PRKG1: variants seen among roughly 807,000 people sequenced by gnomAD.
PRKG1 encodes protein kinase cGMP-dependent 1, also known as cGMP-dependent protein kinase 1.
PRKG1 carries 35 observed loss-of-function variants against 88.1 expected under a neutral mutation model. The observed-to-expected ratio is 0.40, with a 90% CI of 0.30 to 0.53. The LOEUF (loss-of-function observed/expected upper bound fraction) is 0.53, where lower values mean the gene tolerates loss of function less well. Among genes scored for constraint, PRKG1 ranks in the 20% least tolerant of loss-of-function variants. The pLI is 0.59. For synonymous variants in PRKG1, 303 were observed against 292.5 expected, an observed-to-expected ratio of 1.04 and a Z score of -0.37; for missense variants, 540 against 839.8, an observed-to-expected ratio of 0.64 and a Z score of 4.41.
At chr10:52,230,537 T>G (rs1288789604) in intron 9 of PRKG1, among the ~76,000 whole-genome samples, 1 of 152,208 alleles carries the variant, frequency 6.6e-6, no homozygotes, top group Middle Eastern at 3.2e-3. Flanking sequence ...CTTGTTTAGG[T>G]GGCCAGTGAG....
intron 12 of PRKG1, among the ~76,000 whole-genome samples, chr10:52,278,838 G>C (rs1841935050): frequency 6.6e-6 from 1 of 151,598 alleles, no homozygotes. Flanking sequence ...AGGAGGCTGA[G>C]GTTGCAGTGA....
chr10:51,467,445 G>A (rs760203306), intron 2 of PRKG1, among the ~76,000 whole-genome samples: 36 of 151,950 alleles, frequency 2.4e-4, no homozygotes, highest in Non-Finnish European at 4.3e-4. Context: ...ACTAATAACA[G>A]ATTTGGAATA....
At chr10:51,846,787 CA>C (rs1329879051) in intron 4 of PRKG1, among the ~76,000 whole-genome samples, 2 of 152,038 alleles carry the variant, frequency 1.3e-5, no homozygotes, top group Admixed American at 6.6e-5. Context: ...TAAACTGAAT[CA>C]TTTTTTTTCA....
Position 51,178,364 on chromosome 10 carries a change from C to T in PRKG1, c.478+25034C>T, listed in dbSNP as rs549670360. ...TACATTTAAAAAATATTGGGCTGGG[C>T]GCGGTGGCTCACACCTCCAATCCTA... On this transcript the variant is annotated intron_variant, in intron 2 of 17. Coordinates refer to ENST00000373980, the MANE Select transcript of PRKG1 (RefSeq NM_006258.4). Among the ~76,000 whole-genome samples the T allele has an allele frequency of 1.1e-3, 166 of 152,136 alleles. 1 individual carries two copies. The Middle Eastern group carries it at 0.014, about 12-fold the overall frequency.
intron 2 of PRKG1, chr10:51,299,762 T>C: frequency 2.7e-6 from 1 of 368,324 alleles, no homozygotes; most frequent in South Asian, 2.0e-5. Flanking sequence ...GCTTCTATTA[T>C]ACCTCATGTG....
intron 2 of PRKG1, among the ~76,000 whole-genome samples, chr10:51,230,266 TATATGCA>T (rs1340362627): frequency 6.6e-6 from 1 of 152,022 alleles, no homozygotes; most frequent in African/African-American, 2.4e-5. Flanking sequence ...TTCAGAAGGG[TATATGCA>T]CAAAGAGACA....
chr10:51,614,439 T>A (rs955296428), intron 3 of PRKG1, among the ~76,000 whole-genome samples: 1 of 151,728 alleles, frequency 6.6e-6, no homozygotes, highest in Non-Finnish European at 1.5e-5. Context: ...AAAAAAAAAA[T>A]TAGCACAGGG....
chr10:51,627,929 T>TTCCTTCCCTTCCTTTCTTCCTTC (rs1426640394), intron 3 of PRKG1, among the ~76,000 whole-genome samples: 50 of 41,616 alleles, frequency 1.2e-3, no homozygotes, highest in Non-Finnish European at 2.0e-3. Flanking sequence ...TCCCTTCCTT[T>TTCCTTCCCTTCCTTTCTTCCTTC]CTTCCTTCCT....
At chr10:51,844,867 G>A (rs564485586) in intron 4 of PRKG1, among the ~76,000 whole-genome samples, 1 of 152,304 alleles carries the variant, frequency 6.6e-6, no homozygotes, top group South Asian at 2.1e-4. Flanking sequence ...TGAGAAAGTT[G>A]CCTTGCCAGT....
chr10:51,708,984 G>A (rs1177658601), intron 3 of PRKG1, among the ~76,000 whole-genome samples: 1 of 152,168 alleles, frequency 6.6e-6, no homozygotes, highest in Non-Finnish European at 1.5e-5. Context: ...TCTTATGAAG[G>A]AAGGGAGCAG....
chr10:52,096,767 T>C (rs1847182685), intron 7 of PRKG1, among the ~76,000 whole-genome samples: 1 of 152,152 alleles, frequency 6.6e-6, no homozygotes, highest in South Asian at 2.1e-4. Flanking sequence ...GTTTTAAAAT[T>C]GAGTCATTTT....
At chr10:51,231,913 T>C (rs1589264179) in intron 2 of PRKG1, among the ~76,000 whole-genome samples, 1 of 152,306 alleles carries the variant, frequency 6.6e-6, no homozygotes, top group African/African-American at 2.4e-5. Context: ...TGTTTAACAA[T>C]CTGAGGTTTT....
intron 1 of PRKG1, among the ~76,000 whole-genome samples, chr10:51,001,591 G>C (rs754165523): frequency 1.1e-4 from 16 of 152,268 alleles, no homozygotes; most frequent in African/African-American, 3.6e-4. Flanking sequence ...GAGAAAAGAA[G>C]TATATTACAT....
At chr10:51,905,310 C>T (rs1842062421) in intron 4 of PRKG1, among the ~76,000 whole-genome samples, 1 of 152,102 alleles carries the variant, frequency 6.6e-6, no homozygotes, top group Admixed American at 6.6e-5. Flanking sequence ...TGCATAAAAC[C>T]TTGGGATTTC....
chr10:51,592,249 G>C (rs1838330820), intron 3 of PRKG1, among the ~76,000 whole-genome samples: 1 of 152,138 alleles, frequency 6.6e-6, no homozygotes, highest in African/African-American at 2.4e-5. Context: ...ATGATAAGAT[G>C]AAACTGAAAT....
chr10:51,949,180 C>T (rs1589448405), intron 5 of PRKG1, among the ~76,000 whole-genome samples: 1 of 152,030 alleles, frequency 6.6e-6, no homozygotes, highest in African/African-American at 2.4e-5. Context: ...AAATATTTAA[C>T]ATGTAAAACA....
chr10:51,499,838 G>A (rs1326271734), intron 3 of PRKG1, among the ~76,000 whole-genome samples: 1 of 152,106 alleles, frequency 6.6e-6, no homozygotes, highest in Non-Finnish European at 1.5e-5. Context: ...ATATGTGCTT[G>A]TAGTCCAGCT....
rs75929130 is a variant in PRKG1 at position 51,716,075 on chromosome 10, T to G, written c.593-88510T>G. Among the ~76,000 whole-genome samples, 818 of 152,354 alleles carry G rather than the reference T, an allele frequency of 5.4e-3. 12 individuals are homozygous for G. Among genetic ancestry groups the G allele is most frequent in the African/African-American group, 0.018 (769 of 41,570 alleles). On this transcript the variant is annotated intron_variant, in intron 3 of 17. Coordinates refer to ENST00000373980, the MANE Select transcript of PRKG1 (RefSeq NM_006258.4). The stretch of plus-strand genomic sequence containing the variant: ...CCATATTCTTTGCTTTGCAGCGTGA[T>G]GGTCCCTTATTACCCCTTCTCCTGG...
At chr10:51,316,090 A>T (rs936563928) in intron 2 of PRKG1, among the ~76,000 whole-genome samples, 3 of 152,188 alleles carry the variant, frequency 2.0e-5, no homozygotes, top group Non-Finnish European at 4.4e-5. Flanking sequence ...ATGGAGTAGA[A>T]ATAACCATTC....
Sources: gnomAD v4.1 joint callset for allele counts (sites outside exome capture counted in the v4.1 genomes callset) on GRCh38, gnomAD v4.1.1 for gene constraint, MANE v1.5 for transcripts, NCBI Gene and HGNC (gene_info 2026-07-23, HGNC 2026-07-21) for gene names.